BMERB1: variants seen among roughly 807,000 people sequenced by gnomAD.
BMERB1 encodes bMERB domain containing 1.
BMERB1 carries 12 observed loss-of-function variants against 23.6 expected under a neutral mutation model. The ratio of observed to expected loss-of-function variants is 0.51; its 90% CI spans 0.33 to 0.82. The LOEUF is 0.82. Ranked by LOEUF, BMERB1 falls within the 40% of genes least tolerant of loss-of-function variation. The pLI is 0.03. For missense variants in BMERB1, 247 were observed against 255.4 expected (o/e 0.97, Z 0.22); for synonymous variants, 122 against 96.6 (o/e 1.26, Z -1.54).
Position 15,586,786 on chromosome 16 carries a change from T to C in BMERB1, c.572T>C (p.Leu191Pro), listed in dbSNP as rs1352275996. The C allele has an allele frequency of 6.2e-7, 1 of 1,612,122 alleles. No homozygotes were observed. The change falls in exon 6 of 6, where the codon CTG becomes CCG. Residue 191 changes from leucine to proline, a missense_variant. Transcript: ENST00000300006. ...KPTVAKTGLA[L>P]IKDCCGATQC... is the part of the protein sequence containing the mutation. ...ACGGTGGCCAAGACGGGGCTGGCAC[T>C]GATCAAGGATTGTTGCGGGGCCACC...
intron 1 of BMERB1, among the ~76,000 whole-genome samples, chr16:15,444,123 G>GTTTTTTTTGTTTTT (rs2050966662): frequency 2.8e-5 from 1 of 35,610 alleles, no homozygotes; most frequent in East Asian, 1.8e-3. Context: ...CACCAGCTTT[G>GTTTTTTTTGTTTTT]TTTTTTTTTT....
chr16:15,583,518 C>T (rs1020120029), intron 5 of BMERB1, among the ~76,000 whole-genome samples: 1 of 141,324 alleles, frequency 7.1e-6, no homozygotes, highest in African/African-American at 2.7e-5. Context: ...GTGGGGGTTG[C>T]AGTGAGCTGA....
chr16:15,546,412 A>G (rs1045537437), intron 2 of BMERB1, among the ~76,000 whole-genome samples: 2 of 152,184 alleles, frequency 1.3e-5, no homozygotes, highest in African/African-American at 2.4e-5. Context: ...CTGAACTGGT[A>G]TCAGAATTAA....
intron 1 of BMERB1, among the ~76,000 whole-genome samples, chr16:15,482,945 TAC>T (rs999647815): frequency 1.5e-4 from 23 of 151,976 alleles, no homozygotes; most frequent in African/African-American, 4.6e-4. Context: ...ACTGAGTCTA[TAC>T]ACACACACAC....
intron 1 of BMERB1, among the ~76,000 whole-genome samples, chr16:15,446,584 C>T (rs2093667840): frequency 6.6e-6 from 1 of 152,146 alleles, no homozygotes; most frequent in Admixed American, 6.6e-5. Flanking sequence ...AGAGGTTAAG[C>T]AATTGGCCCA....
chr16:15,454,422 T>C (rs886939265), intron 1 of BMERB1, among the ~76,000 whole-genome samples: 2 of 152,112 alleles, frequency 1.3e-5, no homozygotes, highest in Non-Finnish European at 2.9e-5. Context: ...GGACAGAATT[T>C]CAAAGAGATT....
chr16:15,492,008 G>A (rs774812607), intron 1 of BMERB1, among the ~76,000 whole-genome samples: 1 of 152,082 alleles, frequency 6.6e-6, no homozygotes, highest in Non-Finnish European at 1.5e-5. Flanking sequence ...GGTGTGTGGC[G>A]GGCATGTTGA....
At chr16:15,513,044 C>T (rs1262358312) in intron 1 of BMERB1, among the ~76,000 whole-genome samples, 1 of 152,064 alleles carries the variant, frequency 6.6e-6, no homozygotes, top group African/African-American at 2.4e-5. Context: ...AAGGAATTAG[C>T]AGATACAGAT....
At chr16:15,453,745 G>A (rs1225823328) in intron 1 of BMERB1, among the ~76,000 whole-genome samples, 2 of 151,894 alleles carry the variant, frequency 1.3e-5, no homozygotes, top group African/African-American at 2.4e-5. Flanking sequence ...GTGGTGGCAC[G>A]TGCCTGTACA....
At chr16:15,541,420 A>AT (rs1567491576) in intron 2 of BMERB1, among the ~76,000 whole-genome samples, 2 of 132,808 alleles carry the variant, frequency 1.5e-5, no homozygotes, top group African/African-American at 2.9e-5. Context: ...TGCCCGCCGA[A>AT]TTGTTTTTTT....
chr16:15,586,901 G>C lies in BMERB1; in HGVS notation c.*72G>C. On this transcript the variant is annotated 3_prime_UTR_variant, in exon 6 of 6. Coordinates refer to ENST00000300006, the MANE Select transcript of BMERB1 (RefSeq NM_033201.3). ...TTGTCTTTATAGCCCCCATTTCACC[G>C]GGGCCCAAGAGCTCTCCAAGGCAGA... 2.0e-6 allele frequency: 2 copies of C among 1,018,626 alleles called. No individual in the cohort carries two copies. 63.1% of individuals were successfully genotyped at this position (1,018,626 alleles called of 1,614,324 possible).
At chr16:15,556,191 AATAGC>A (rs2030252792) in intron 2 of BMERB1, among the ~76,000 whole-genome samples, 1 of 152,076 alleles carries the variant, frequency 6.6e-6, no homozygotes, top group Non-Finnish European at 1.5e-5. Flanking sequence ...AAAAAAAAAA[AATAGC>A]ATGTGATAGT....
chr16:15,503,660 G>A (rs187232344), intron 1 of BMERB1, among the ~76,000 whole-genome samples: 6 of 152,176 alleles, frequency 3.9e-5, no homozygotes, highest in Admixed American at 3.9e-4. Context: ...GATACTGAGG[G>A]ACAAGTATAT....
intron 1 of BMERB1, among the ~76,000 whole-genome samples, chr16:15,501,284 T>C (rs1267366730): frequency 7.0e-6 from 1 of 141,906 alleles, no homozygotes; most frequent in African/African-American, 2.6e-5. Context: ...CCAGCTCTTT[T>C]TACTTTTTTT....
chr16:15,539,084 A>G (rs1022280676), intron 2 of BMERB1, among the ~76,000 whole-genome samples: 4 of 152,188 alleles, frequency 2.6e-5, no homozygotes, highest in Admixed American at 1.3e-4. Context: ...TTTGTAATCT[A>G]TAATGAAATA....
chr16:15,550,275 G>C (rs1301374065), intron 2 of BMERB1, among the ~76,000 whole-genome samples: 1 of 151,462 alleles, frequency 6.6e-6, no homozygotes, highest in Non-Finnish European at 1.5e-5. Flanking sequence ...TGGTTTGAAG[G>C]CTAATGGAAA....
chr16:15,446,841 C>G (rs537883149), intron 1 of BMERB1, among the ~76,000 whole-genome samples: 1 of 152,202 alleles, frequency 6.6e-6, no homozygotes, highest in Non-Finnish European at 1.5e-5. Flanking sequence ...AAAGTGCCTT[C>G]AGTGTCAAAC....
chr16:15,576,193 G>A (rs111567211), intron 3 of BMERB1, among the ~76,000 whole-genome samples: 30,458 of 151,664 alleles, frequency 0.2, 3,371 homozygotes, highest in East Asian at 0.3. Flanking sequence ...ACAGGCGCCC[G>A]CCACCATGCC....
chr16:15,580,824 T>C (rs570392683), intron 3 of BMERB1, among the ~76,000 whole-genome samples: 163 of 152,058 alleles, frequency 1.1e-3, no homozygotes, highest in Non-Finnish European at 1.7e-3. Context: ...GGATTACAGG[T>C]GTGAGCCACC....
Sources: allele counts gnomAD v4.1 joint callset (sites outside exome capture counted in the v4.1 genomes callset), GRCh38; gene constraint gnomAD v4.1.1; transcripts MANE v1.5; gene names NCBI Gene and HGNC (gene_info 2026-07-23, HGNC 2026-07-21).